SMIM31: variants seen among roughly 807,000 people sequenced by gnomAD.
The protein encoded by SMIM31 is small integral membrane protein 31, also known as human epithelial cell program regulator.
At position 164,803,032 on chromosome 4, in the gene SMIM31, A is replaced by G. The variant is rs555626810; in HGVS notation, c.*1838A>G. 1.3e-5 allele frequency: 2 copies of G among 152,330 alleles called. No homozygotes were observed. The highest frequency in any genetic ancestry group is 4.8e-5 in the African/African-American group (2 of 41,568). The allele number at this position is 152,330 out of a possible 1,614,324, so 9.4% of individuals were successfully genotyped here. On this transcript the variant is annotated 3_prime_UTR_variant, in exon 3 of 3. Coordinates refer to ENST00000507311, the MANE Select transcript of SMIM31 (RefSeq NM_001352885.1). The stretch of plus-strand genomic sequence containing the variant: ...AAATCTTTGCTGGGCTGACAAATGG[A>G]TGAGAGATAGTATAAGTAAAATGTG...
At chr4:164,768,988 G>C (rs747163874) in intron 1 of SMIM31, among the ~76,000 whole-genome samples, 35 of 152,208 alleles carry the variant, frequency 2.3e-4, no homozygotes, top group Non-Finnish European at 4.6e-4. Flanking sequence ...GATTCTGGGA[G>C]CCTCTTTTTC....
intron 1 of SMIM31, among the ~76,000 whole-genome samples, chr4:164,760,914 G>C (rs1732641257): frequency 6.6e-6 from 1 of 152,066 alleles, no homozygotes; most frequent in African/African-American, 2.4e-5. Flanking sequence ...GACAAAGAAG[G>C]AATTCTGTTT....
At chr4:164,787,756 T>A (rs1289114033) in intron 2 of SMIM31, among the ~76,000 whole-genome samples, 1 of 152,210 alleles carries the variant, frequency 6.6e-6, no homozygotes, top group African/African-American at 2.4e-5. Flanking sequence ...CACTCTCATG[T>A]GCCCAAGGAT....
intron 2 of SMIM31, among the ~76,000 whole-genome samples, chr4:164,782,167 G>C (rs1447894374): frequency 2.6e-5 from 4 of 151,718 alleles, no homozygotes; most frequent in African/African-American, 9.7e-5. Flanking sequence ...GCACTTGCCT[G>C]TAATCCCAGC....
At chr4:164,776,362 T>C (rs1443570062) in intron 2 of SMIM31, among the ~76,000 whole-genome samples, 1 of 152,208 alleles carries the variant, frequency 6.6e-6, no homozygotes. Flanking sequence ...TGGTTGACCA[T>C]TCAGCAAGTA....
chr4:164,792,269 G>A (rs1733111772), intron 2 of SMIM31, among the ~76,000 whole-genome samples: 1 of 151,528 alleles, frequency 6.6e-6, no homozygotes, highest in African/African-American at 2.4e-5. Context: ...GTCTAAAAAG[G>A]GGGAGATAAT....
intron 1 of SMIM31, among the ~76,000 whole-genome samples, chr4:164,756,582 T>A (rs75661022): frequency 1.0e-3 from 105 of 104,930 alleles, no homozygotes; most frequent in African/African-American, 2.0e-3. Flanking sequence ...AAAAAAAAAA[T>A]AATAATAATA....
At chr4:164,764,049 C>T (rs1732685718) in intron 1 of SMIM31, among the ~76,000 whole-genome samples, 2 of 152,072 alleles carry the variant, frequency 1.3e-5, no homozygotes, top group South Asian at 4.1e-4. Flanking sequence ...AAATTAATAA[C>T]TGTAATTTTT....
At chr4:164,774,323 C>T (rs542237396) in intron 2 of SMIM31, among the ~76,000 whole-genome samples, 1 of 152,208 alleles carries the variant, frequency 6.6e-6, no homozygotes, top group Non-Finnish European at 1.5e-5. Context: ...AAGGTGACAT[C>T]ACACATGTCA....
At chr4:164,783,648 G>T (rs567778004) in intron 2 of SMIM31, among the ~76,000 whole-genome samples, 1 of 151,794 alleles carries the variant, frequency 6.6e-6, no homozygotes, top group Non-Finnish European at 1.5e-5. Context: ...TGGGTGTAAT[G>T]GATCATGCCT....
At chr4:164,757,204 G>A (rs1732573551) in intron 1 of SMIM31, among the ~76,000 whole-genome samples, 1 of 152,102 alleles carries the variant, frequency 6.6e-6, no homozygotes, top group Non-Finnish European at 1.5e-5. Flanking sequence ...TTGGTCATTT[G>A]CATATGTTCC....
At position 164,800,581 on chromosome 4, in the gene SMIM31, T is replaced by TACC. The variant is rs1579076686; in HGVS notation, c.113-510_113-509insACC. Among the ~76,000 whole-genome samples the TACC allele has an allele frequency of 7.9e-5, 12 of 152,228 alleles. No individual in the cohort carries two copies. In the East Asian group the frequency reaches 2.3e-3, roughly 29 times the overall value. On this transcript the variant is annotated intron_variant, in intron 2 of 2. Coordinates refer to ENST00000507311, the MANE Select transcript of SMIM31 (RefSeq NM_001352885.1). ...GTATGTTGATATCTCACACAGTAGG[T>TACC]CCAGGGACCCCAGAACAGACTGAGA...
At chr4:164,764,185 C>T (rs1732688184) in intron 1 of SMIM31, among the ~76,000 whole-genome samples, 1 of 152,120 alleles carries the variant, frequency 6.6e-6, no homozygotes, top group African/African-American at 2.4e-5. Context: ...ATGAGGAACT[C>T]ACTATCATTG....
intron 2 of SMIM31, among the ~76,000 whole-genome samples, chr4:164,771,232 C>T (rs1234976599): frequency 6.6e-6 from 1 of 152,200 alleles, no homozygotes; most frequent in Non-Finnish European, 1.5e-5. Flanking sequence ...AATAGACATT[C>T]CAGTTCATGC....
At chr4:164,777,534 C>A (rs1367035199) in intron 2 of SMIM31, among the ~76,000 whole-genome samples, 1 of 152,142 alleles carries the variant, frequency 6.6e-6, no homozygotes, top group Non-Finnish European at 1.5e-5. Context: ...ATATTGCTGT[C>A]CACCTGCACA....
chr4:164,760,526 T>G (rs1259502197), intron 1 of SMIM31, among the ~76,000 whole-genome samples: 4 of 147,684 alleles, frequency 2.7e-5, no homozygotes, highest in Non-Finnish European at 4.5e-5. Flanking sequence ...AGGTCAGGAG[T>G]TCAAGACCAG....
At chr4:164,800,195 G>T (rs1334694234) in intron 2 of SMIM31, among the ~76,000 whole-genome samples, 2 of 151,824 alleles carry the variant, frequency 1.3e-5, no homozygotes, top group African/African-American at 2.4e-5. Flanking sequence ...ACATTTAAAG[G>T]GTGTTTAACT....
chr4:164,775,038 C>T (rs886708049), intron 2 of SMIM31, among the ~76,000 whole-genome samples: 1 of 152,162 alleles, frequency 6.6e-6, no homozygotes, highest in African/African-American at 2.4e-5. Context: ...TTCTTTAAAT[C>T]CAGCCAAGAG....
chr4:164,767,895 C>T (rs531425860), intron 1 of SMIM31, among the ~76,000 whole-genome samples: 7 of 152,156 alleles, frequency 4.6e-5, no homozygotes, highest in South Asian at 4.2e-4. Context: ...CATTATTTTG[C>T]GTTTATTTGT....
Sources: gnomAD v4.1 joint callset for allele counts (sites outside exome capture counted in the v4.1 genomes callset) on GRCh38, gnomAD v4.1.1 for gene constraint, MANE v1.5 for transcripts, NCBI Gene and HGNC (gene_info 2026-07-23, HGNC 2026-07-21) for gene names.